WBP11: variants seen among roughly 807,000 people sequenced by gnomAD.
WBP11 encodes the protein WW domain binding protein 11, also known as WW domain-binding protein 11.
In WBP11, 12 loss-of-function variants were observed where a neutral mutation model predicts 66.7. That is an observed-to-expected ratio of 0.18 (90% CI 0.12 to 0.29). The LOEUF is 0.29. Among genes scored for constraint, WBP11 ranks in the 10% least tolerant of loss-of-function variants. The probability of loss-of-function intolerance (pLI) is 1.00; values close to 1 mark genes in which losing one functional copy is unlikely to be tolerated. For missense variants in WBP11, 555 were observed against 818.3 expected, an observed-to-expected ratio of 0.68 and a Z score of 3.93; for synonymous variants, 255 against 273.8, an observed-to-expected ratio of 0.93 and a Z score of 0.68.
chr12:14,787,008 C>G lies in WBP11; in HGVS notation c.*57G>C. On this transcript the variant is annotated 3_prime_UTR_variant, in exon 12 of 12. Transcript: ENST00000261167. ...CTCTTTCATCTAAGTTTAATAAGAG[C>G]CTCTTTCTCCATGGGCCACTGTTGT... 6.8e-7 allele frequency: 1 copy of G among 1,476,190 alleles called. No homozygotes were observed. Among genetic ancestry groups the G allele is most frequent in the Non-Finnish European group, 9.1e-7 (1 of 1,100,092 alleles). 91.4% of individuals were successfully genotyped at this position (1,476,190 alleles called of 1,614,324 possible).
Position 14,788,888 on chromosome 12 carries a change from T to C in WBP11, c.1492+63A>G, listed in dbSNP as rs1028906557. ...TTCAGAATACTGAAATGTGACCATA[T>C]GTCTTAGAGCAAATTAAATAAACAG... On this transcript the variant is annotated intron_variant, in intron 11 of 11. Transcript: ENST00000261167. 4 of 884,634 alleles carry C rather than the reference T, an allele frequency of 4.5e-6. No homozygotes were observed. The Admixed American group carries it at 1.3e-4, about 28-fold the overall frequency. 54.8% of individuals were successfully genotyped at this position (884,634 alleles called of 1,614,324 possible).
chr12:14,795,724 G>C (rs967924212), intron 5 of WBP11, among the ~76,000 whole-genome samples: 1 of 151,594 alleles, frequency 6.6e-6, no homozygotes, highest in Non-Finnish European at 1.5e-5. Flanking sequence ...AGTGAGACTC[G>C]GTCTCAAAAA....
chr12:14,793,949 A>T (rs1365544284), intron 7 of WBP11, 27 bp from the exon 8 acceptor site: 9 of 1,585,162 alleles, frequency 5.7e-6, no homozygotes, highest in African/African-American at 2.7e-5. Context: ...GAACATGGAG[A>T]AGTAGTATGA....
At position 14,785,430 on chromosome 12, in the gene WBP11, C is replaced by T. The variant is rs1203528238; in HGVS notation, c.*1635G>A. The T allele has an allele frequency of 6.6e-6, 1 of 152,098 alleles. No homozygotes were observed. The highest frequency in any genetic ancestry group is 1.5e-5 in the Non-Finnish European group (1 of 68,016). The allele number at this position is 152,098 out of a possible 1,614,324, so 9.4% of individuals were successfully genotyped here. ...TTGATCCTTGATATCCGTAAGTTAT[C>T]AAGGATGGTGTCAAGGATTGATAAC... is the stretch of plus-strand genomic sequence containing the variant. On this transcript the variant is annotated 3_prime_UTR_variant, in exon 12 of 12. Transcript: ENST00000261167.
intron 1 of WBP11, among the ~76,000 whole-genome samples, chr12:14,802,412 CGAAAGCCAGATGTTTCA>C (rs1367717225): frequency 1.3e-5 from 2 of 152,138 alleles, no homozygotes; most frequent in Admixed American, 6.5e-5. Context: ...CCAACTGCCC[CGAAAGCCAGATGTTTCA>C]GAAAGCCAGA....
At chr12:14,793,689 C>T in intron 8 of WBP11, 42 bp downstream of exon 8, 1 of 1,580,944 alleles carries the variant, frequency 6.3e-7, no homozygotes, top group Non-Finnish European at 8.6e-7. Context: ...AGCTTGTTTT[C>T]TCTTTATTGA....
chr12:14,800,390 TAGAC>T (rs772419232), intron 3 of WBP11, among the ~76,000 whole-genome samples: 62 of 152,098 alleles, frequency 4.1e-4, no homozygotes, highest in Middle Eastern at 3.4e-3. Flanking sequence ...ATATATGTAA[TAGAC>T]AGCTAATCAG....
chr12:14,800,435 T>C (rs1251720338), intron 3 of WBP11, among the ~76,000 whole-genome samples: 1 of 152,054 alleles, frequency 6.6e-6, no homozygotes, highest in African/African-American at 2.4e-5. Context: ...AGCATCATGT[T>C]TATTTCCATC....
chr12:14,800,715 ATACT>A, intron 3 of WBP11, 33 bp downstream of exon 3: 1 of 1,565,016 alleles, frequency 6.4e-7, no homozygotes, highest in Non-Finnish European at 8.7e-7. Context: ...GTACCAAACA[ATACT>A]TAAAGTTTTA....
intron 10 of WBP11, among the ~76,000 whole-genome samples, chr12:14,789,933 A>G (rs1949802017): frequency 6.6e-6 from 1 of 152,228 alleles, no homozygotes; most frequent in Admixed American, 6.5e-5. Flanking sequence ...CAAATAGCTG[A>G]AAAGTTCTCT....
chr12:14,795,013 C>T lies in WBP11; in HGVS notation c.479G>A (p.Gly160Asp), dbSNP rs1949874582. 1 of 1,612,280 alleles carries T rather than the reference C, an allele frequency of 6.2e-7. No homozygotes were observed. The highest frequency in any genetic ancestry group is 1.7e-5 in the Admixed American group (1 of 59,996). Residue 160 changes from glycine to aspartate, a missense_variant, in exon 6 of 12, where the codon GGT (glycine) becomes GAT (aspartate). Gly to Asp is a moderately conservative substitution (Grantham distance 94). This residue lies in a region of WBP11 where 220 missense variants were observed against 268.2 expected (regional missense o/e 0.82). Coordinates refer to ENST00000261167, the MANE Select transcript of WBP11 (RefSeq NM_016312.3). ...NILIQDIPLPGAQPPSILKKT... is the reference protein window; with the variant it reads ...NILIQDIPLPDAQPPSILKKT... ...CTTTAGGATAGAGGGTGGCTGGGCA[C>T]CAGGAAGTGGAATGTCCTGGATCAA...
In WBP11 at chr12:14,796,787, A is replaced by C; in HGVS notation, c.387+20T>G. 1 of 1,395,238 alleles carries C rather than the reference A, an allele frequency of 7.2e-7. No homozygotes were observed. The highest frequency in any genetic ancestry group is 2.5e-5 in the Admixed American group (1 of 39,302). 86.4% of individuals were successfully genotyped at this position (1,395,238 alleles called of 1,614,324 possible). On this transcript the variant is annotated intron_variant, in intron 5 of 11. Transcript: ENST00000261167. This position sits in a 1 kb window ranked among gnomAD's most constrained non-coding sequence, Gnocchi z 4.5. ...TGTATAATATTTTAGTTTATCTCTC[A>C]AAAAAAAAACCTTGATTACCTTGAC...
At position 14,787,347 on chromosome 12, in the gene WBP11, A is replaced by G. The variant is rs780953925; in HGVS notation, c.1644T>C (p.Asp548=). The change falls in exon 12 of 12, where the codon GAT becomes GAC. Residue 548 remains aspartate (D), a synonymous_variant. Transcript: ENST00000261167. ...PNLIQRPKAD[D]TSAATIEKKA... ...TCTTCTCAATGGTGGCTGCACTTGT[A>G]TCATCCGCCTTGGGTCGCTGAATCA... The G allele has an allele frequency of 1.2e-5, 19 of 1,613,062 alleles. No homozygotes were observed. Among genetic ancestry groups the G allele is most frequent in the Non-Finnish European group, 1.5e-5 (18 of 1,179,258 alleles).
Position 14,795,124 on chromosome 12 carries a change from A to G in WBP11, c.388-20T>C. On this transcript the variant is annotated intron_variant, in intron 5 of 11. Coordinates refer to ENST00000261167, the MANE Select transcript of WBP11 (RefSeq NM_016312.3). ...AGCATTCTGAAACAGAGAACCATTC[A>G]GTAGTATGATAAAAAAGTCATCTAC... 1 of 1,550,556 alleles carries G rather than the reference A, an allele frequency of 6.4e-7. No individual in the cohort carries two copies. The highest frequency in any genetic ancestry group is 8.7e-7 in the Non-Finnish European group (1 of 1,153,380).
In WBP11 at chr12:14,794,638, G is replaced by C. The variant is rs1221905973; in HGVS notation, c.620C>G (p.Pro207Arg). 5 of 1,613,946 alleles carry C rather than the reference G, an allele frequency of 3.1e-6. No individual in the cohort carries two copies. Among genetic ancestry groups the C allele is most frequent in the South Asian group, 1.1e-5 (1 of 91,072 alleles). The change falls in exon 7 of 12, where the codon CCT becomes CGT. Residue 207 changes from proline to arginine, a missense_variant. Around this residue, in one of 6 missense-constraint regions of WBP11, gnomAD observed 220 missense variants for 268.2 expected, o/e 0.82. Transcript: ENST00000261167. ...ATACATCTGCACGACTTGAGGAGGA[G>C]GTGGACCAGGGGGAGGGCCAGGAGG... ...RKPPGPPPGP[P>R]PPQVVQMYGR...
At chr12:14,795,947 CTTTAT>C (rs71532840) in intron 5 of WBP11, among the ~76,000 whole-genome samples, 24,923 of 151,808 alleles carry the variant, frequency 0.16, 2,260 homozygotes, top group African/African-American at 0.24. Context: ...TTTTTCCCAT[CTTTAT>C]TTTGAGGTAA....
At chr12:14,794,908 G>A (rs1949872862) in intron 6 of WBP11, 63 bp downstream of exon 6, 2 of 1,609,684 alleles carry the variant, frequency 1.2e-6, no homozygotes, top group African/African-American at 1.3e-5. Flanking sequence ...CATTAATTTT[G>A]GCACTGGACA....
At chr12:14,794,888 T>C in intron 6 of WBP11, 83 bp downstream of exon 6, 2 of 1,605,626 alleles carry the variant, frequency 1.2e-6, no homozygotes, top group Non-Finnish European at 1.7e-6. Context: ...TTGTCTTTTA[T>C]TTCCCTCTGC....
At chr12:14,791,755 C>T (rs1486116405) in intron 8 of WBP11, among the ~76,000 whole-genome samples, 1 of 152,106 alleles carries the variant, frequency 6.6e-6, no homozygotes, top group Non-Finnish European at 1.5e-5. Context: ...CATCAACCAA[C>T]CAGTGGTTAA....
Sources: gnomAD v4.1 joint callset for allele counts (sites outside exome capture counted in the v4.1 genomes callset) on GRCh38, gnomAD v4.1.1 for gene constraint, gnomAD v4.1.1 regional missense constraint, Gnocchi (gnomAD v3.1) non-coding constraint, MANE v1.5 for transcripts, NCBI Gene and HGNC (gene_info 2026-07-23, HGNC 2026-07-21) for gene names.